NDUFAF2: variants seen among roughly 807,000 people sequenced by gnomAD.
NDUFAF2 encodes the protein NADH:ubiquinone oxidoreductase complex assembly factor 2.
A neutral mutation model predicts 22.8 loss-of-function variants in NDUFAF2; 13 were observed. That is an observed-to-expected ratio of 0.57 (90% CI 0.37 to 0.91). NDUFAF2 has a LOEUF of 0.91. Ranked by LOEUF, NDUFAF2 falls within the 40% of genes least tolerant of loss-of-function variation. The pLI, the probability that NDUFAF2 is intolerant of heterozygous loss-of-function variation, is 0.01. For synonymous variants in NDUFAF2, 53 were observed against 64.2 expected (o/e 0.83, Z 0.84); for missense variants, 162 against 195.2 (o/e 0.83, Z 1.01).
intron 1 of NDUFAF2, among the ~76,000 whole-genome samples, chr5:61,048,690 A>G (rs1339138801): frequency 1.3e-5 from 2 of 152,150 alleles, no homozygotes; most frequent in Admixed American, 6.6e-5. Flanking sequence ...TAACATCCAA[A>G]TAAGAATTCT....
At chr5:61,038,066 G>T (rs28446443) in intron 1 of NDUFAF2, among the ~76,000 whole-genome samples, 4,975 of 126,992 alleles carry the variant, frequency 0.039, 353 homozygotes, top group African/African-American at 0.14. Context: ...GAGACGGGGG[G>T]TGGGAGGGAG....
chr5:61,068,806 A>G (rs1752260153), intron 1 of NDUFAF2, among the ~76,000 whole-genome samples: 1 of 152,046 alleles, frequency 6.6e-6, no homozygotes, highest in Admixed American at 6.6e-5. Context: ...TAGCCCTTGT[A>G]TTTTACCAAC....
chr5:61,048,074 T>C (rs1395215733), intron 1 of NDUFAF2, among the ~76,000 whole-genome samples: 1 of 152,194 alleles, frequency 6.6e-6, no homozygotes, highest in Non-Finnish European at 1.5e-5. Flanking sequence ...ATGAATTCAT[T>C]TCTTTTTCAT....
intron 1 of NDUFAF2, among the ~76,000 whole-genome samples, chr5:61,008,344 A>G (rs329614): frequency 0.14 from 21,109 of 152,122 alleles, 1,823 homozygotes; most frequent in South Asian, 0.28. Context: ...AACCTTGATA[A>G]TTGATGTTAC....
intron 3 of NDUFAF2, among the ~76,000 whole-genome samples, chr5:61,150,867 T>C (rs770629990): frequency 6.6e-6 from 1 of 152,204 alleles, no homozygotes; most frequent in Admixed American, 6.5e-5. Context: ...TCCTTTGTGA[T>C]ACATCATCAC....
chr5:61,103,697 C>A (rs75315910), intron 3 of NDUFAF2, among the ~76,000 whole-genome samples: 2,013 of 152,162 alleles, frequency 0.013, 51 homozygotes, highest in African/African-American at 0.046. Context: ...CAGCCAACTA[C>A]AAAATAATGT....
intron 1 of NDUFAF2, among the ~76,000 whole-genome samples, chr5:60,969,402 A>G (rs1167574850): frequency 1.3e-5 from 2 of 152,130 alleles, no homozygotes; most frequent in Non-Finnish European, 2.9e-5. Context: ...TATATAAGCC[A>G]TTTTAACCAG....
chr5:60,999,219 T>C (rs1751265300), intron 1 of NDUFAF2, among the ~76,000 whole-genome samples: 1 of 152,030 alleles, frequency 6.6e-6, no homozygotes, highest in African/African-American at 2.4e-5. Flanking sequence ...ATTCCACTCC[T>C]AGGTATATAC....
rs142524400 is a variant in NDUFAF2, at chr5:61,138,733, G to T, written c.259-13971G>T. Among the ~76,000 whole-genome samples the T allele has an allele frequency of 2.0e-5, 3 of 152,292 alleles. No homozygotes were observed. The East Asian group carries it at 5.8e-4, about 29-fold the overall frequency. ...GGGAAACACTGTAGTCAGGCAGCAGGATACCTGTATGCAAAGCCATGTGTG... is the reference window on the plus strand; with the variant it reads ...GGGAAACACTGTAGTCAGGCAGCAGTATACCTGTATGCAAAGCCATGTGTG... On this transcript the variant is annotated intron_variant, in intron 3 of 3. Transcript: ENST00000296597.
intron 3 of NDUFAF2, among the ~76,000 whole-genome samples, chr5:61,150,583 G>A (rs970257645): frequency 1.3e-5 from 2 of 152,146 alleles, no homozygotes; most frequent in Non-Finnish European, 2.9e-5. Flanking sequence ...AAAAGCATAT[G>A]CATGTACCAA....
intron 1 of NDUFAF2, among the ~76,000 whole-genome samples, chr5:60,954,181 G>A (rs970642538): frequency 2.6e-5 from 4 of 152,134 alleles, no homozygotes; most frequent in African/African-American, 9.7e-5. Context: ...TTAGCTGTAA[G>A]ATAGCCAAAG....
intron 1 of NDUFAF2, among the ~76,000 whole-genome samples, chr5:61,021,301 A>G (rs1023040486): frequency 6.6e-6 from 1 of 151,988 alleles, no homozygotes; most frequent in Non-Finnish European, 1.5e-5. Context: ...TAGCTTCTAG[A>G]GCCTACCTGC....
intron 2 of NDUFAF2, among the ~76,000 whole-genome samples, chr5:61,090,942 T>A (rs1196528791): frequency 1.3e-5 from 2 of 152,186 alleles, no homozygotes; most frequent in Admixed American, 1.3e-4. Flanking sequence ...ATGCATTATT[T>A]GGTTTTCTGT....
intron 1 of NDUFAF2, among the ~76,000 whole-genome samples, chr5:61,025,522 T>C (rs1367887711): frequency 2.0e-5 from 3 of 152,110 alleles, no homozygotes; most frequent in Admixed American, 1.3e-4. Flanking sequence ...TAGTGTGTTA[T>C]TTAAAAGCAG....
chr5:61,127,878 T>C (rs1267762518), intron 3 of NDUFAF2, among the ~76,000 whole-genome samples: 1 of 152,144 alleles, frequency 6.6e-6, no homozygotes, highest in African/African-American at 2.4e-5. Context: ...ATGACATGAT[T>C]GTATATCTAG....
intron 3 of NDUFAF2, among the ~76,000 whole-genome samples, chr5:61,139,770 G>A (rs1298383364): frequency 6.6e-6 from 1 of 152,202 alleles, no homozygotes; most frequent in Non-Finnish European, 1.5e-5. Context: ...GAGAACTTAT[G>A]TTCCTGTTTG....
chr5:61,018,211 G>T (rs1173316867), intron 1 of NDUFAF2, among the ~76,000 whole-genome samples: 1 of 152,076 alleles, frequency 6.6e-6, no homozygotes. Flanking sequence ...TGGCTACCGG[G>T]TGTGTCTTCC....
intron 1 of NDUFAF2, among the ~76,000 whole-genome samples, chr5:61,002,567 T>C (rs1162709771): frequency 6.6e-6 from 1 of 152,206 alleles, no homozygotes; most frequent in Non-Finnish European, 1.5e-5. Flanking sequence ...CTTATCCGAT[T>C]CACTTCAATA....
At chr5:61,062,492 G>C (rs1752177501) in intron 1 of NDUFAF2, among the ~76,000 whole-genome samples, 1 of 152,102 alleles carries the variant, frequency 6.6e-6, no homozygotes, top group South Asian at 2.1e-4. Flanking sequence ...CTGAAGATAG[G>C]TCTGTTGGAA....
Sources: allele counts gnomAD v4.1 joint callset (sites outside exome capture counted in the v4.1 genomes callset), GRCh38; gene constraint gnomAD v4.1.1; transcripts MANE v1.5; gene names NCBI Gene and HGNC (gene_info 2026-07-23, HGNC 2026-07-21).